NETO2: variants seen among roughly 807,000 people sequenced by gnomAD.
The protein encoded by NETO2 is neuropilin and tolloid-like protein 2.
In NETO2, 28 loss-of-function variants were observed where a neutral mutation model predicts 62.5. That is an observed-to-expected ratio of 0.45 (90% CI 0.33 to 0.61). The LOEUF (loss-of-function observed/expected upper bound fraction) is 0.61. Ranked by LOEUF, NETO2 falls within the 20% of genes least tolerant of loss-of-function variation. The pLI, the probability that NETO2 is intolerant of heterozygous loss-of-function variation, is 0.02. For missense variants in NETO2, 548 were observed against 643.2 expected, an observed-to-expected ratio of 0.85 and a Z score of 1.60; for synonymous variants, 214 against 219.1, an observed-to-expected ratio of 0.98 and a Z score of 0.21.
chr16:47,136,948 A>G (rs1486935399), intron 1 of NETO2, among the ~76,000 whole-genome samples: 3 of 152,144 alleles, frequency 2.0e-5, no homozygotes, highest in African/African-American at 2.4e-5. Flanking sequence ...TAAATGGGGG[A>G]AAAAAGATTA....
intron 6 of NETO2, among the ~76,000 whole-genome samples, chr16:47,114,422 G>T (rs1596726549): frequency 7.7e-5 from 6 of 78,274 alleles, no homozygotes; most frequent in Admixed American, 3.8e-4. Context: ...TTTTTCATTA[G>T]TCCAATTTAT....
intron 7 of NETO2, among the ~76,000 whole-genome samples, chr16:47,107,447 G>T (rs1423525882): frequency 6.6e-6 from 1 of 152,164 alleles, no homozygotes; most frequent in East Asian, 1.9e-4. Context: ...AAGGTATTTT[G>T]TTAGGAAATT....
At position 47,111,976 on chromosome 16, in the gene NETO2, C is replaced by T. The variant is rs151298450; in HGVS notation, c.655-2265G>A. On this transcript the variant is annotated intron_variant, in intron 6 of 8. Coordinates refer to ENST00000562435, the MANE Select transcript of NETO2 (RefSeq NM_018092.5). ...GAAGACCCCAACAGAAATGAAATCC[C>T]CAGAAAGCTACTATCATGAAAAGGC... Among the ~76,000 whole-genome samples, 4 of 152,226 alleles carry T rather than the reference C, an allele frequency of 2.6e-5. No individual in the cohort carries two copies. In the East Asian group the frequency reaches 5.8e-4, roughly 22 times the overall value.
chr16:47,109,782 C>A, intron 6 of NETO2, 71 bp from the exon 7 acceptor site: 2 of 1,117,832 alleles, frequency 1.8e-6, no homozygotes, highest in Non-Finnish European at 2.6e-6. Flanking sequence ...TTCTATTTTC[C>A]ACAGACAACA....
chr16:47,103,145 A>G (rs1464411416), intron 7 of NETO2, among the ~76,000 whole-genome samples: 2 of 152,226 alleles, frequency 1.3e-5, no homozygotes, highest in Non-Finnish European at 2.9e-5. Flanking sequence ...TTGCACGGAC[A>G]TGGATGAAGC....
chr16:47,112,914 A>C (rs564763289), intron 6 of NETO2, among the ~76,000 whole-genome samples: 14 of 152,334 alleles, frequency 9.2e-5, no homozygotes, highest in Non-Finnish European at 1.8e-4. Context: ...TCATACTTAC[A>C]TATCTATAAA....
intron 6 of NETO2, among the ~76,000 whole-genome samples, chr16:47,115,574 C>A (rs538154429): frequency 9.3e-5 from 14 of 150,426 alleles, no homozygotes; most frequent in Middle Eastern, 6.9e-3. Flanking sequence ...GTTGTCCAGG[C>A]TGGAGTGCAG....
At chr16:47,133,117 G>A (rs1218074362) in intron 1 of NETO2, among the ~76,000 whole-genome samples, 3 of 152,122 alleles carry the variant, frequency 2.0e-5, no homozygotes, top group African/African-American at 7.2e-5. Context: ...AAGGTGAAAC[G>A]GAGTTTAACA....
chr16:47,122,898 A>C lies in NETO2; in HGVS notation c.496T>G (p.Tyr166Asp). 2 of 1,613,756 alleles carry C rather than the reference A, an allele frequency of 1.2e-6. No individual in the cohort carries two copies. Among genetic ancestry groups the C allele is most frequent in the Non-Finnish European group, 1.7e-6 (2 of 1,179,774 alleles). ...ATGGGATTTAAAATACCTCCTAGGT[A>C]AGTAAAGTCTGGATCTGTAACAGAA... ...YSFIPDPDFT[Y>D]LGGILNPIPD... The change falls in exon 5 of 9, where the codon TAC (tyrosine) becomes GAC (aspartate). Residue 166 changes from tyrosine to aspartate, a missense_variant. Tyr to Asp is a radical substitution (Grantham distance 160). Transcript: ENST00000562435.
chr16:47,116,729 G>T (rs573884624), intron 6 of NETO2, among the ~76,000 whole-genome samples: 5 of 152,074 alleles, frequency 3.3e-5, no homozygotes, highest in African/African-American at 1.2e-4. Context: ...ATTTGCCAGC[G>T]AACCCATCTA....
intron 6 of NETO2, among the ~76,000 whole-genome samples, chr16:47,111,514 G>C (rs1039247025): frequency 2.0e-5 from 3 of 152,148 alleles, no homozygotes; most frequent in African/African-American, 7.2e-5. Flanking sequence ...TGCAATGTTG[G>C]GAGAAGGGCA....
chr16:47,125,762 C>T (rs572199926), intron 4 of NETO2, among the ~76,000 whole-genome samples: 1 of 152,088 alleles, frequency 6.6e-6, no homozygotes, highest in Non-Finnish European at 1.5e-5. Flanking sequence ...GTGATCATAG[C>T]TCACTATAAC....
At chr16:47,108,929 T>C (rs117308936) in intron 7 of NETO2, among the ~76,000 whole-genome samples, 1 of 152,218 alleles carries the variant, frequency 6.6e-6, no homozygotes, top group Admixed American at 6.5e-5. Flanking sequence ...TCTAAATCTT[T>C]GATGACCATA....
intron 7 of NETO2, among the ~76,000 whole-genome samples, chr16:47,093,909 C>T (rs561160378): frequency 6.6e-6 from 1 of 152,310 alleles, no homozygotes; most frequent in African/African-American, 2.4e-5. Context: ...CCATACTCAT[C>T]AGTCAGGATA....
At chr16:47,123,872 T>C (rs1274850554) in intron 4 of NETO2, among the ~76,000 whole-genome samples, 2 of 152,136 alleles carry the variant, frequency 1.3e-5, no homozygotes, top group African/African-American at 2.4e-5. Flanking sequence ...TAATTTTTTA[T>C]ATTTTTAGTA....
rs529729441 is a variant in NETO2 at position 47,113,573 on chromosome 16, CCA to C, written c.655-3864_655-3863del. Among the ~76,000 whole-genome samples the C allele has an allele frequency of 1.7e-3, 251 of 150,626 alleles. 2 individuals carry two copies. Among genetic ancestry groups the C allele is most frequent in the African/African-American group, 5.8e-3 (239 of 41,122 alleles). On this transcript the variant is annotated intron_variant, in intron 6 of 8. Coordinates refer to ENST00000562435, the MANE Select transcript of NETO2 (RefSeq NM_018092.5). ...GAATAGATGTTACTATATGGATGTA[CCA>C]CAGTTTATTCTTTTTTTTTTTTTTT... is the stretch of plus-strand genomic sequence containing the variant.
intron 6 of NETO2, among the ~76,000 whole-genome samples, chr16:47,114,118 TATC>T (rs755774491): frequency 7.2e-5 from 11 of 152,314 alleles, no homozygotes; most frequent in Admixed American, 5.2e-4. Context: ...ACCAGGACTG[TATC>T]AGAGTTTCAG....
intron 6 of NETO2, among the ~76,000 whole-genome samples, chr16:47,120,247 G>A (rs909766733): frequency 6.6e-6 from 1 of 151,906 alleles, no homozygotes; most frequent in Non-Finnish European, 1.5e-5. Flanking sequence ...TTCTTTCCTA[G>A]TTTTGTATTT....
At chr16:47,106,463 T>C (rs1963677178) in intron 7 of NETO2, among the ~76,000 whole-genome samples, 2 of 152,114 alleles carry the variant, frequency 1.3e-5, no homozygotes, top group Non-Finnish European at 2.9e-5. Flanking sequence ...ATGCCATGTA[T>C]ATTTTGCCAC....
Sources: gnomAD v4.1 joint callset for allele counts (sites outside exome capture counted in the v4.1 genomes callset) on GRCh38, gnomAD v4.1.1 for gene constraint, MANE v1.5 for transcripts, NCBI Gene and HGNC (gene_info 2026-07-23, HGNC 2026-07-21) for gene names.